Variants in NDUFS3 observed in about 807,000 individuals in gnomAD.
NDUFS3 encodes the protein NADH dehydrogenase [ubiquinone] iron-sulfur protein 3, mitochondrial.
A neutral mutation model predicts 30.8 loss-of-function variants in NDUFS3; 19 were observed. The observed-to-expected ratio is 0.62, with a 90% CI of 0.43 to 0.91. The LOEUF (loss-of-function observed/expected upper bound fraction) is 0.91. NDUFS3 is among the 40% of genes least tolerant of loss of function. The probability of loss-of-function intolerance (pLI) is 0.00; values close to 1 mark genes in which losing one functional copy is unlikely to be tolerated. For synonymous variants in NDUFS3, 153 were observed against 135.8 expected (o/e 1.13, Z -0.88); for missense variants, 331 against 342.0 (o/e 0.97, Z 0.25).
chr11:47,582,964 T>A (rs2097269455), intron 6 of NDUFS3, among the ~76,000 whole-genome samples: 1 of 152,096 alleles, frequency 6.6e-6, no homozygotes, highest in Admixed American at 6.5e-5. Context: ...GCCACTGCTC[T>A]CCAGCCTGGG....
chr11:47,582,260 A>C lies in NDUFS3; in HGVS notation c.507+47A>C, dbSNP rs774184651. ...ACCTGCCTCTGGGCCACAGTTGCAG[A>C]ACTGGTTCAGACTACGGGATGCAGT... On this transcript the variant is annotated intron_variant, in intron 5 of 6. Coordinates refer to ENST00000263774, the MANE Select transcript of NDUFS3 (RefSeq NM_004551.3). 6 of 1,614,188 alleles carry C rather than the reference A, an allele frequency of 3.7e-6. No homozygotes were observed. The South Asian group carries it at 6.6e-5, about 18-fold the overall frequency.
intron 6 of NDUFS3, among the ~76,000 whole-genome samples, chr11:47,583,579 T>G (rs1212507784): frequency 1.3e-5 from 2 of 152,200 alleles, no homozygotes; most frequent in Non-Finnish European, 2.9e-5. Context: ...TGCAGGAAGA[T>G]AGTGTGTAAT....
intron 6 of NDUFS3, among the ~76,000 whole-genome samples, chr11:47,583,766 C>T (rs1355373156): frequency 1.3e-5 from 2 of 152,146 alleles, no homozygotes; most frequent in Admixed American, 1.3e-4. Flanking sequence ...CCTTTCACCC[C>T]ACTCCTGCTA....
At position 47,579,173 on chromosome 11, in the gene NDUFS3, C is replaced by T. The variant is rs1163958717; in HGVS notation, c.67+15C>T. 4 of 1,612,172 alleles carry T rather than the reference C, an allele frequency of 2.5e-6. No individual in the cohort carries two copies. The Admixed American group carries it at 5.0e-5, about 20-fold the overall frequency. ...GCTGACCAGGGGTGAGCACGGGCAG[C>T]CAGCTGAGACCGGGGTCAGGCGCAG... On this transcript the variant is annotated intron_variant, in intron 1 of 6. Transcript: ENST00000263774.
chr11:47,580,896 C>G lies in NDUFS3; in HGVS notation c.293C>G (p.Thr98Ser). 6.2e-7 allele frequency: 1 copy of G among 1,614,228 alleles called. No homozygotes were observed. The highest frequency in any genetic ancestry group is 8.5e-7 in the Non-Finnish European group (1 of 1,180,042). ...CCTGATGGCGTCATCCCAGTGCTGA[C>G]TTTCCTCAGGGATCACACCAATGCA... is the stretch of plus-strand genomic sequence containing the variant. ...IHPDGVIPVLTFLRDHTNAQF... is the reference protein window; with the variant it reads ...IHPDGVIPVLSFLRDHTNAQF... The change falls in exon 4 of 7, where the codon ACT becomes AGT. Residue 98 changes from threonine to serine, a missense_variant. Coordinates refer to ENST00000263774, the MANE Select transcript of NDUFS3 (RefSeq NM_004551.3).
intron 4 of NDUFS3, chr11:47,581,378 A>C: frequency 3.5e-6 from 1 of 285,326 alleles, no homozygotes; most frequent in South Asian, 3.3e-5. Context: ...GATGGTCTCA[A>C]TTTCCTGACC....
chr11:47,583,979 G>A (rs2097269945), intron 6 of NDUFS3, among the ~76,000 whole-genome samples: 1 of 152,146 alleles, frequency 6.6e-6, no homozygotes, highest in African/African-American at 2.4e-5. Flanking sequence ...CCTAATCCTG[G>A]GCAAATGCTT....
chr11:47,581,177 C>T lies in NDUFS3; in HGVS notation c.381+193C>T, dbSNP rs2030166. 200,708 of 615,220 alleles carry T rather than the reference C, an allele frequency of 0.33. 35,079 individuals carry two copies. The highest frequency in any genetic ancestry group is 0.38 in the Admixed American group (13,803 of 36,666). 38.1% of individuals were successfully genotyped at this position (615,220 alleles called of 1,614,324 possible). A position where few individuals can be genotyped will look rare whatever the true frequency, so the allele number is the denominator to read the frequency against. ...TTGTTTAATTTTTTTTTTTTTTAGA[C>T]GGAATCTTGCTCTGTCGCCAGGCTG... On this transcript the variant is annotated intron_variant, in intron 4 of 6. Transcript: ENST00000263774.
chr11:47,584,222 G>T, intron 6 of NDUFS3, 92 bp from the exon 7 acceptor site: 1 of 1,545,764 alleles, frequency 6.5e-7, no homozygotes, highest in South Asian at 1.1e-5. Context: ...GAATGGGCTG[G>T]GGAAGTCACC....
At position 47,580,276 on chromosome 11, in the gene NDUFS3, T is replaced by C. The variant is rs113011755; in HGVS notation, c.134-249T>C. Among the ~76,000 whole-genome samples, 293 of 152,308 alleles carry C rather than the reference T, an allele frequency of 1.9e-3. 1 individual carries two copies. Among genetic ancestry groups the C allele is most frequent in the Middle Eastern group, 0.014 (4 of 294 alleles). On this transcript the variant is annotated intron_variant, in intron 2 of 6. Coordinates refer to ENST00000263774, the MANE Select transcript of NDUFS3 (RefSeq NM_004551.3). Reference sequence around the variant, plus strand: ...ATGTGAGGGAAGAACTGTGGAGTAATTTTGAGAAGAGGTGAACACCCCAGC... The same window carrying C: ...ATGTGAGGGAAGAACTGTGGAGTAACTTTGAGAAGAGGTGAACACCCCAGC...
rs78121716 is a variant in NDUFS3 at position 47,584,339 on chromosome 11, G to A, written c.653G>A (p.Arg218Gln). 2.0e-5 allele frequency: 33 copies of A among 1,614,012 alleles called. No individual in the cohort carries two copies. The highest frequency in any genetic ancestry group is 1.2e-4 in the Admixed American group (7 of 59,986). Residue 218 changes from arginine to glutamine, a missense_variant, in exon 7 of 7, where the codon CGG becomes CAG. By Grantham distance (43) the Arg-to-Gln change is conservative (BLOSUM62 1). Transcript: ENST00000263774. Reference sequence around the variant, plus strand: ...TTACGTTATGATGATGAAGTGAAGCGGGTGGTGGCAGAGCCGGTGGAGTTG... The same window carrying A: ...TTACGTTATGATGATGAAGTGAAGCAGGTGGTGGCAGAGCCGGTGGAGTTG... ...VELRYDDEVK[R>Q]VVAEPVELAQ... is the part of the protein sequence containing the mutation.
In NDUFS3 at chr11:47,581,740, A is replaced by G. The variant is rs550190822; in HGVS notation, c.382-348A>G. 7.3e-5 allele frequency: 27 copies of G among 367,574 alleles called. No homozygotes were observed. In the East Asian group the frequency reaches 1.9e-3, roughly 26 times the overall value. 22.8% of individuals were successfully genotyped at this position (367,574 alleles called of 1,614,324 possible). ...AGCTTACTGTAGTAACATATAATAC[A>G]AAGGATATTAGAGGGATGCTTTAAG... On this transcript the variant is annotated intron_variant, in intron 4 of 6. Transcript: ENST00000263774.
intron 2 of NDUFS3, chr11:47,579,564 T>C (rs1415138427): frequency 9.8e-6 from 6 of 615,040 alleles, no homozygotes; most frequent in African/African-American, 3.7e-5. Context: ...CTGATTAAAC[T>C]GTCAGCTCTT....
chr11:47,581,107 GTT>G lies in NDUFS3; in HGVS notation c.381+124_381+125del, dbSNP rs2097268613. 3.2e-6 allele frequency: 4 copies of G among 1,233,884 alleles called. No homozygotes were observed. In the African/African-American group the frequency reaches 5.9e-5, roughly 18 times the overall value. The allele number at this position is 1,233,884 out of a possible 1,614,324, so 76.4% of individuals were successfully genotyped here. A position where few individuals can be genotyped will look rare whatever the true frequency, so the allele number is the denominator to read the frequency against. On this transcript the variant is annotated intron_variant, in intron 4 of 6. Coordinates refer to ENST00000263774, the MANE Select transcript of NDUFS3 (RefSeq NM_004551.3). ...CAAGTAGATCTGAAGTTGGATCTTG[GTT>G]CTGCCACTAAATGGCTGTGGGACCT...
chr11:47,582,378 T>C lies in NDUFS3; in HGVS notation c.537T>C (p.Ala179=), dbSNP rs955058728. 9.9e-6 allele frequency: 16 copies of C among 1,614,108 alleles called. No individual in the cohort carries two copies. The highest frequency in any genetic ancestry group is 1.4e-5 in the Non-Finnish European group (16 of 1,180,046). Residue 179 remains alanine (A), a synonymous_variant, in exon 6 of 7, where the codon GCT becomes GCC. Coordinates refer to ENST00000263774, the MANE Select transcript of NDUFS3 (RefSeq NM_004551.3). ...GGGACATGTTTGGAGTCTTCTTTGC[T>C]AACCACCCTGATCTAAGAAGGATCC... The part of the protein sequence containing the change: ...EIWDMFGVFF[A]NHPDLRRILT...
At position 47,579,154 on chromosome 11, in the gene NDUFS3, C is replaced by T. The variant is rs2097266327; in HGVS notation, c.63C>T (p.Thr21=). The T allele has an allele frequency of 1.9e-6, 3 of 1,609,300 alleles. No individual in the cohort carries two copies. The highest frequency in any genetic ancestry group is 1.7e-5 in the Admixed American group (1 of 59,342). Residue 21 remains threonine, a synonymous_variant, in exon 1 of 7, where the codon ACC becomes ACT. Coordinates refer to ENST00000263774, the MANE Select transcript of NDUFS3 (RefSeq NM_004551.3). Reference sequence around the variant, plus strand: ...GGATCTTGGGGGCCTCGGCGCTGACCAGGGGTGAGCACGGGCAGCCAGCTG... The same window carrying T: ...GGATCTTGGGGGCCTCGGCGCTGACTAGGGGTGAGCACGGGCAGCCAGCTG... ...WRGILGASAL[T]RGTGRPSVLL...
intron 2 of NDUFS3, among the ~76,000 whole-genome samples, chr11:47,580,028 CA>C (rs1371749633): frequency 1.5e-5 from 2 of 131,144 alleles, no homozygotes; most frequent in Non-Finnish European, 3.2e-5. Context: ...CACACACACA[CA>C]CCTGGGCCTC....
chr11:47,579,351 A>C lies in NDUFS3; in HGVS notation c.133+17A>C, dbSNP rs2097266672. The C allele has an allele frequency of 1.2e-6, 2 of 1,613,234 alleles. No individual in the cohort carries two copies. The highest frequency in any genetic ancestry group is 8.5e-7 in the Non-Finnish European group (1 of 1,180,018). On this transcript the variant is annotated intron_variant, in intron 2 of 6. Transcript: ENST00000263774. Reference sequence around the variant, plus strand: ...ACACGCGCCGTGAGTATGTGCGGGCAGCGCTCTTCTCTGAACTATCGGCGG... The same window carrying C: ...ACACGCGCCGTGAGTATGTGCGGGCCGCGCTCTTCTCTGAACTATCGGCGG...
Position 47,579,342 on chromosome 11 carries a change from T to G in NDUFS3, c.133+8T>G, listed in dbSNP as rs2097266647. The G allele has an allele frequency of 6.2e-7, 1 of 1,613,554 alleles. No individual in the cohort carries two copies. Among genetic ancestry groups the G allele is most frequent in the Non-Finnish European group, 8.5e-7 (1 of 1,180,040 alleles). On this transcript the variant is annotated splice_region_variant and intron_variant, in intron 2 of 6. Transcript: ENST00000263774. Reference sequence around the variant, plus strand: ...CCGGGGCCGACACGCGCCGTGAGTATGTGCGGGCAGCGCTCTTCTCTGAAC... The same window carrying G: ...CCGGGGCCGACACGCGCCGTGAGTAGGTGCGGGCAGCGCTCTTCTCTGAAC...
Sources: gnomAD v4.1 joint callset for allele counts (sites outside exome capture counted in the v4.1 genomes callset) on GRCh38, gnomAD v4.1.1 for gene constraint, MANE v1.5 for transcripts, NCBI Gene and HGNC (gene_info 2026-07-23, HGNC 2026-07-21) for gene names.